Variants in ANKRD36C observed in about 807,000 individuals in gnomAD.
ANKRD36C encodes ankyrin repeat domain 36C.
A neutral mutation model predicts 276.4 loss-of-function variants in ANKRD36C; 61 were observed. The observed-to-expected ratio is 0.22, with a 90% CI of 0.18 to 0.27. ANKRD36C has a LOEUF of 0.27. Among genes scored for constraint, ANKRD36C ranks in the 10% least tolerant of loss-of-function variants. The pLI is 1.00. For synonymous variants in ANKRD36C, 483 were observed against 680.1 expected, an observed-to-expected ratio of 0.71 and a Z score of 4.51; for missense variants, 1,447 against 2,032.3, an observed-to-expected ratio of 0.71 and a Z score of 5.54.
rs542702384 is a variant in ANKRD36C at position 95,947,578 on chromosome 2, G to C, written c.1362+952C>G. On this transcript the variant is annotated intron_variant, in intron 17 of 66. Transcript: ENST00000456556. ...GCCTCTGAAATTTGAAACTTAGAAT[G>C]AGATACAAAGACCCTGAGTGGATTA... Among the ~76,000 whole-genome samples the C allele has an allele frequency of 3.3e-5, 5 of 152,200 alleles. No homozygotes were observed. The South Asian group carries it at 1.0e-3, about 32-fold the overall frequency.
Position 95,927,444 on chromosome 2 carries a change from G to C in ANKRD36C, c.1838-35C>G, listed in dbSNP as rs530138568. The C allele has an allele frequency of 7.2e-5, 116 of 1,604,462 alleles. 2 individuals carry two copies. In the East Asian group the frequency reaches 2.6e-3, roughly 36 times the overall value. ...AAAAGGGATACATAATCACTCACAT[G>C]TACATATGATAAATTTATCCATACA... On this transcript the variant is annotated intron_variant, in intron 26 of 66. Transcript: ENST00000456556.
chr2:95,855,460 G>C, exon 63 of ANKRD36C: 1 of 1,612,332 alleles, frequency 6.2e-7, no homozygotes, highest in Non-Finnish European at 8.5e-7. Context: ...GCTTTGTTGC[G>C]AGCATCATCC....
chr2:95,922,859 T>C (rs554245047), intron 32 of ANKRD36C, among the ~76,000 whole-genome samples: 1 of 151,794 alleles, frequency 6.6e-6, no homozygotes, highest in East Asian at 2.0e-4. Context: ...CAATGTGGTT[T>C]ATCCCAATTC....
In ANKRD36C at chr2:95,888,142, T is replaced by C. The variant is rs775968825; in HGVS notation, c.2960-22A>G. 102 of 1,607,828 alleles carry C rather than the reference T, an allele frequency of 6.3e-5. No individual in the cohort carries two copies. The Admixed American group carries it at 1.6e-3, about 26-fold the overall frequency. On this transcript the variant is annotated intron_variant, in intron 48 of 66. Transcript: ENST00000456556. Reference sequence around the variant, plus strand: ...GACACTGAAAAGCAAAAGGGATACATAATCACTCATATGTAAATATGATAA... The same window carrying C: ...GACACTGAAAAGCAAAAGGGATACACAATCACTCATATGTAAATATGATAA...
At chr2:95,947,869 T>C (rs1237546868) in intron 17 of ANKRD36C, among the ~76,000 whole-genome samples, 1 of 152,138 alleles carries the variant, frequency 6.6e-6, no homozygotes, top group Non-Finnish European at 1.5e-5. Flanking sequence ...CCAAGCTTGG[T>C]CTTAAACTCC....
exon 40 of ANKRD36C, chr2:95,914,148 A>G (rs1395955000): frequency 6.3e-7 from 1 of 1,583,458 alleles, no homozygotes. Context: ...CTCTGGCTAT[A>G]TTCAAAACAG....
At chr2:95,912,315 G>C (rs1320864188) in exon 42 of ANKRD36C, 3 of 1,584,638 alleles carry the variant, frequency 1.9e-6, no homozygotes, top group Middle Eastern at 2.3e-4. Flanking sequence ...ATCACTTGTA[G>C]CCTGAATGGA....
chr2:95,911,387 T>A (rs1676919162), intron 42 of ANKRD36C, among the ~76,000 whole-genome samples: 1 of 151,462 alleles, frequency 6.6e-6, no homozygotes, highest in South Asian at 2.1e-4. Flanking sequence ...AGGACTTAAT[T>A]AGAATGCAAC....
chr2:95,881,024 A>G (rs1020597399), intron 56 of ANKRD36C, among the ~76,000 whole-genome samples: 2 of 152,256 alleles, frequency 1.3e-5, no homozygotes, highest in African/African-American at 4.8e-5. Flanking sequence ...GCTTTATACC[A>G]GTATAACATA....
At chr2:95,853,812 C>G (rs78342264) in exon 64 of ANKRD36C, 1 of 1,608,204 alleles carries the variant, frequency 6.2e-7, no homozygotes, top group Non-Finnish European at 8.5e-7. Context: ...TGTTGCTGAT[C>G]GTTTGTTTAA....
chr2:95,873,072 G>A (rs560603057), intron 59 of ANKRD36C, among the ~76,000 whole-genome samples: 3 of 152,230 alleles, frequency 2.0e-5, no homozygotes, highest in Non-Finnish European at 2.9e-5. Flanking sequence ...ATCCACAGCC[G>A]AATTCTACCA....
At chr2:95,873,071 C>T (rs1324997791) in intron 59 of ANKRD36C, among the ~76,000 whole-genome samples, 1 of 152,150 alleles carries the variant, frequency 6.6e-6, no homozygotes, top group African/African-American at 2.4e-5. Flanking sequence ...GATCCACAGC[C>T]GAATTCTACC....
chr2:95,855,613 T>C (rs1464328325), exon 63 of ANKRD36C: 12 of 1,610,856 alleles, frequency 7.4e-6, no homozygotes, highest in Non-Finnish European at 1.0e-5. Flanking sequence ...TTTAGCTCAC[T>C]TTGCACGTGT....
At chr2:95,893,819 G>A (rs1676450215) in intron 44 of ANKRD36C, 95 bp from the exon 63 acceptor site, 2 of 1,581,534 alleles carry the variant, frequency 1.3e-6, no homozygotes, top group African/African-American at 1.4e-5. Flanking sequence ...CTGTCCTCCT[G>A]CCTGTATTAG....
chr2:95,886,152 C>G (rs1676197867), intron 51 of ANKRD36C, 32 bp from the exon 72 acceptor site: 1 of 1,580,756 alleles, frequency 6.3e-7, no homozygotes, highest in South Asian at 1.1e-5. Flanking sequence ...ATAATCAATA[C>G]ATAAAGTATA....
At chr2:95,986,827 T>C (rs765244698) in exon 3 of ANKRD36C, 2 of 1,611,822 alleles carry the variant, frequency 1.2e-6, no homozygotes, top group Non-Finnish European at 1.7e-6. Flanking sequence ...ATACACAGCG[T>C]AGTGCAGAGC....
chr2:95,963,991 A>T (rs1351910142), intron 6 of ANKRD36C, among the ~76,000 whole-genome samples: 6 of 26,294 alleles, frequency 2.3e-4, no homozygotes, highest in African/African-American at 2.2e-3. Flanking sequence ...ATATATATAT[A>T]TATATATATA....
At chr2:95,980,982 C>T (rs1678903931) in intron 4 of ANKRD36C, among the ~76,000 whole-genome samples, 197 bp from the exon 5 acceptor site, 1 of 152,096 alleles carries the variant, frequency 6.6e-6, no homozygotes, top group East Asian at 1.9e-4. Flanking sequence ...AAAAAGGAAG[C>T]CTCTTGTCCC....
intron 64 of ANKRD36C, 101 bp from the exon 85 acceptor site, chr2:95,852,297 C>T: frequency 2.3e-6 from 2 of 863,724 alleles, no homozygotes; most frequent in Non-Finnish European, 3.6e-6. Flanking sequence ...TTTAGACTAT[C>T]AGAATCTTTT....
Sources: allele counts gnomAD v4.1 joint callset (sites outside exome capture counted in the v4.1 genomes callset), GRCh38; gene constraint gnomAD v4.1.1; transcripts MANE v1.5; gene names NCBI Gene and HGNC (gene_info 2026-07-23, HGNC 2026-07-21).